Variants in FGD2 observed in about 807,000 individuals in gnomAD.
FGD2 encodes the protein FYVE, RhoGEF and PH domain containing 2.
Under a neutral mutation model 75.9 loss-of-function variants are expected in FGD2, and 52 were observed. That is an observed-to-expected ratio of 0.69 (90% CI 0.55 to 0.86). The LOEUF (loss-of-function observed/expected upper bound fraction) is 0.86. Among genes scored for constraint, FGD2 ranks in the 40% least tolerant of loss-of-function variants. The probability of loss-of-function intolerance (pLI) is 0.00; values close to 1 mark genes in which losing one functional copy is unlikely to be tolerated. For missense variants in FGD2, 790 were observed against 872.0 expected (o/e 0.91, Z 1.18); for synonymous variants, 347 against 348.6 (o/e 1.00, Z 0.05).
chr6:37,020,578 T>G lies in FGD2; in HGVS notation c.1160T>G (p.Phe387Cys). Residue 387 changes from phenylalanine (F) to cysteine (C), a missense_variant, in exon 10 of 16, where the codon TTC becomes TGC. Coordinates refer to ENST00000274963, the MANE Select transcript of FGD2 (RefSeq NM_173558.4). ...ELMDAEFPHS[F>C]LVSGKQRTLE... ...ATGGATGCTGAGTTTCCCCACTCCT[T>G]CCTGGTGTCCGGGAAGCAGCGCACC... The G allele has an allele frequency of 6.2e-7, 1 of 1,609,182 alleles. No individual in the cohort carries two copies. The highest frequency in any genetic ancestry group is 8.5e-7 in the Non-Finnish European group (1 of 1,178,274).
chr6:37,010,762 T>G (rs1421688855), intron 2 of FGD2, among the ~76,000 whole-genome samples: 1 of 152,182 alleles, frequency 6.6e-6, no homozygotes, highest in Non-Finnish European at 1.5e-5. Flanking sequence ...CCAGGCCTCT[T>G]AAGGCTAAGG....
intron 13 of FGD2, chr6:37,022,842 A>G (rs1275508934): frequency 6.2e-6 from 1 of 160,850 alleles, no homozygotes; most frequent in Admixed American, 6.5e-5. Flanking sequence ...ACTAGCTCTG[A>G]GCCAGGTGTG....
At chr6:37,016,076 G>A (rs1022812438) in intron 9 of FGD2, among the ~76,000 whole-genome samples, 6 of 152,140 alleles carry the variant, frequency 3.9e-5, no homozygotes, top group South Asian at 2.1e-4. Flanking sequence ...CCCTCCCTTC[G>A]CGGCAGTGCA....
intron 13 of FGD2, 82 bp from the exon 14 acceptor site, chr6:37,025,710 G>GC: frequency 1.3e-6 from 2 of 1,516,446 alleles, no homozygotes; most frequent in Non-Finnish European, 1.8e-6. Context: ...TTGCTCTCAT[G>GC]CCCCCACCTG....
chr6:37,011,510 A>G, intron 3 of FGD2, 196 bp from the exon 4 acceptor site: 2 of 686,732 alleles, frequency 2.9e-6, no homozygotes, highest in Admixed American at 2.9e-5. Context: ...CTGCATCTCT[A>G]GGCTTTGCCT....
chr6:37,013,490 C>T, intron 4 of FGD2, 119 bp from the exon 5 acceptor site: 1 of 1,486,708 alleles, frequency 6.7e-7, no homozygotes, highest in Non-Finnish European at 8.9e-7. Context: ...CCCGCCCACA[C>T]CCAGAATTGC....
chr6:37,026,643 C>T (rs546420341), intron 14 of FGD2, among the ~76,000 whole-genome samples: 3 of 152,256 alleles, frequency 2.0e-5, no homozygotes, highest in East Asian at 1.9e-4. Flanking sequence ...GACATCCCAC[C>T]GTCCCTGGGA....
chr6:37,005,686 C>A lies in FGD2; in HGVS notation c.-132C>A. The A allele has an allele frequency of 1.0e-6, 1 of 981,668 alleles. No homozygotes were observed. Among genetic ancestry groups the A allele is most frequent in the South Asian group, 1.5e-5 (1 of 68,368 alleles). The allele number at this position is 981,668 out of a possible 1,614,324, so 60.8% of individuals were successfully genotyped here. On this transcript the variant is annotated 5_prime_UTR_variant, in exon 1 of 16. Coordinates refer to ENST00000274963, the MANE Select transcript of FGD2 (RefSeq NM_173558.4). ...AAGCCAAGAGCCGACCTTCTGAGCCCTCAAGAAAGATCAGAACAGATTCAT... is the reference window on the plus strand; with the variant it reads ...AAGCCAAGAGCCGACCTTCTGAGCCATCAAGAAAGATCAGAACAGATTCAT...
intron 4 of FGD2, chr6:37,013,100 A>ACGTG (rs897117780): frequency 2.6e-5 from 4 of 152,580 alleles, no homozygotes; most frequent in African/African-American, 9.7e-5. Context: ...CCTGGGCTCA[A>ACGTG]CCTGCCTGCC....
At chr6:37,019,660 A>T (rs916540773) in intron 9 of FGD2, among the ~76,000 whole-genome samples, 3 of 152,206 alleles carry the variant, frequency 2.0e-5, no homozygotes, top group South Asian at 2.1e-4. Context: ...ATGGAAATAG[A>T]TGTTCTTCCA....
At chr6:37,012,724 A>C (rs542928002) in intron 4 of FGD2, among the ~76,000 whole-genome samples, 2 of 151,594 alleles carry the variant, frequency 1.3e-5, no homozygotes, top group South Asian at 4.2e-4. Context: ...AAAAAAAAAA[A>C]AAAGAAAGAA....
At position 37,009,062 on chromosome 6, in the gene FGD2, G is replaced by T; in HGVS notation, c.297G>T (p.Thr99=). 1.9e-6 allele frequency: 3 copies of T among 1,613,724 alleles called. No homozygotes were observed. In the South Asian group the frequency reaches 3.3e-5, roughly 18 times the overall value. ...CQPVTLSGSG[T]QEPEKKIVQE... ...CTGTGACCCTCTCAGGATCGGGGACGCAGGTGCCTGAGGGCTGAGGTAGAG... is the reference window on the plus strand; with the variant it reads ...CTGTGACCCTCTCAGGATCGGGGACTCAGGTGCCTGAGGGCTGAGGTAGAG... The change falls in exon 2 of 16, where the codon ACG becomes ACT. Residue 99 remains threonine, a synonymous_variant. Coordinates refer to ENST00000274963, the MANE Select transcript of FGD2 (RefSeq NM_173558.4).
chr6:37,019,790 G>T (rs893880525), intron 9 of FGD2, among the ~76,000 whole-genome samples: 2 of 151,976 alleles, frequency 1.3e-5, no homozygotes, highest in Non-Finnish European at 2.9e-5. Flanking sequence ...TCCTAAATGA[G>T]GATGATAGTA....
At chr6:37,015,882 A>G (rs199877586) in intron 9 of FGD2, 22 bp downstream of exon 9, 7 of 1,552,576 alleles carry the variant, frequency 4.5e-6, no homozygotes, top group Non-Finnish European at 6.1e-6. Context: ...CCTAAACACC[A>G]CTGGGCTCCA....
intron 13 of FGD2, 81 bp from the exon 14 acceptor site, chr6:37,025,711 C>A (rs1397550249): frequency 7.9e-6 from 12 of 1,527,200 alleles, no homozygotes; most frequent in Non-Finnish European, 6.3e-6. Context: ...TGCTCTCATG[C>A]CCCCACCTGC....
intron 5 of FGD2, 61 bp downstream of exon 5, chr6:37,013,826 G>A: frequency 6.2e-7 from 1 of 1,600,902 alleles, no homozygotes; most frequent in Non-Finnish European, 8.5e-7. Context: ...GGCTCAGGTT[G>A]CCTTGAGTGA....
Position 37,015,027 on chromosome 6 carries a change from T to C in FGD2, c.1018T>C (p.Tyr340His). 1 of 1,613,580 alleles carries C rather than the reference T, an allele frequency of 6.2e-7. No homozygotes were observed. Among genetic ancestry groups the C allele is most frequent in the Non-Finnish European group, 8.5e-7 (1 of 1,179,712 alleles). ...SFRRNDPMER[Y>H]LFLFNNMLLY... ...CCGCCGCAACGACCCCATGGAGCGC[T>C]ACCTTTTCTTGGTAAGAGGGTGCTG... The change falls in exon 8 of 16, where the codon TAC becomes CAC. Residue 340 changes from tyrosine to histidine, a missense_variant. Coordinates refer to ENST00000274963, the MANE Select transcript of FGD2 (RefSeq NM_173558.4).
At chr6:37,027,886 T>C (rs1301998463) in intron 15 of FGD2, 62 bp from the exon 16 acceptor site, 1 of 1,567,514 alleles carries the variant, frequency 6.4e-7, no homozygotes, top group East Asian at 2.2e-5. Context: ...GCCTTCACGA[T>C]GGCTATCTGG....
At position 37,008,886 on chromosome 6, in the gene FGD2, CCT is replaced by C; in HGVS notation, c.122_123del (p.Pro41ArgfsTer23). On this transcript the variant is annotated frameshift_variant, in exon 2 of 16. Transcript: ENST00000274963. LOFTEE classifies it high-confidence loss of function. The part of the protein sequence containing the change: ...GQRLEDVHHR[P>X]ECRPPESPGP... ...GAGGCTAGAGGACGTGCATCACCGC[CCT>C]GAGTGCAGGCCTCCCGAGTCCCCAG... 1 of 1,613,904 alleles carries C rather than the reference CCT, an allele frequency of 6.2e-7. No homozygotes were observed. The highest frequency in any genetic ancestry group is 1.1e-5 in the South Asian group (1 of 91,064).
Sources: gnomAD v4.1 joint callset for allele counts (sites outside exome capture counted in the v4.1 genomes callset) on GRCh38, gnomAD v4.1.1 for gene constraint, MANE v1.5 for transcripts, NCBI Gene and HGNC (gene_info 2026-07-23, HGNC 2026-07-21) for gene names.